ALKBH8: variants seen among roughly 807,000 people sequenced by gnomAD.
ALKBH8 encodes the protein tRNA (carboxymethyluridine(34)-5-O)-methyltransferase ALKBH8.
A neutral mutation model predicts 59.8 loss-of-function variants in ALKBH8; 36 were observed. The ratio of observed to expected loss-of-function variants is 0.60; its 90% CI spans 0.46 to 0.79. ALKBH8 has a LOEUF of 0.79. Among genes scored for constraint, ALKBH8 ranks in the 30% least tolerant of loss-of-function variants. ALKBH8 has a pLI of 0.00. For missense variants in ALKBH8, 768 were observed against 801.0 expected (o/e 0.96, Z 0.50); for synonymous variants, 276 against 273.6 (o/e 1.01, Z -0.09).
chr11:107,546,066 A>G (rs1167251332), intron 7 of ALKBH8, among the ~76,000 whole-genome samples: 1 of 152,228 alleles, frequency 6.6e-6, no homozygotes, highest in Non-Finnish European at 1.5e-5. Flanking sequence ...CTTTGTTCTA[A>G]AAAATTAGTA....
chr11:107,562,993 C>T lies in ALKBH8; in HGVS notation c.-6-2094G>A, dbSNP rs568902800. ...GACTAAGAGATGAGTGCTACCACTT[C>T]AAAACTGGAAAGTCAGGAGGAGGTT... On this transcript the variant is annotated intron_variant, in intron 1 of 11. Transcript: ENST00000428149. 1.1e-4 allele frequency among the ~76,000 whole-genome samples: 17 copies of T among 152,138 alleles called. No homozygotes were observed. The South Asian group carries it at 3.5e-3, about 32-fold the overall frequency.
intron 8 of ALKBH8, among the ~76,000 whole-genome samples, chr11:107,531,674 G>T (rs954092505): frequency 6.6e-5 from 10 of 152,198 alleles, no homozygotes; most frequent in African/African-American, 2.4e-4. Flanking sequence ...TCCTGAATTT[G>T]AGCACTGCAC....
At chr11:107,542,743 C>G (rs1386713329) in intron 7 of ALKBH8, among the ~76,000 whole-genome samples, 1 of 152,126 alleles carries the variant, frequency 6.6e-6, no homozygotes, top group East Asian at 1.9e-4. Flanking sequence ...AACCCCGTTT[C>G]TACAAAAAAT....
At chr11:107,523,165 T>C (rs1863197662) in intron 9 of ALKBH8, among the ~76,000 whole-genome samples, 1 of 152,166 alleles carries the variant, frequency 6.6e-6, no homozygotes, top group Admixed American at 6.5e-5. Context: ...TGCACTCACA[T>C]GTTTACTGCA....
chr11:107,505,037 C>T lies in ALKBH8; in HGVS notation c.1616G>A (p.Arg539Lys). The T allele has an allele frequency of 6.4e-7, 1 of 1,551,678 alleles. No individual in the cohort carries two copies. The highest frequency in any genetic ancestry group is 8.7e-7 in the Non-Finnish European group (1 of 1,146,958). The change falls in exon 12 of 12, where the codon AGG becomes AAG. Residue 539 changes from arginine (R) to lysine (K), a missense_variant. Arg to Lys is a conservative substitution (Grantham distance 26). Transcript: ENST00000428149. ...GTCACGCATTTGCTCCACAAGTGAC[C>T]TCTGCACTGAGGTATCACTGTTCAT... is the stretch of plus-strand genomic sequence containing the variant. ...EEMNSDTSVQ[R>K]SLVEQMRDMG...
chr11:107,521,398 G>A (rs1863105229), intron 10 of ALKBH8, among the ~76,000 whole-genome samples: 2 of 151,300 alleles, frequency 1.3e-5, no homozygotes, highest in Admixed American at 1.3e-4. Context: ...ATATACCAAG[G>A]GACAATTGTA....
At chr11:107,534,135 AAAATAAATAAAT>A (rs939424999) in intron 7 of ALKBH8, among the ~76,000 whole-genome samples, 1 of 152,154 alleles carries the variant, frequency 6.6e-6, no homozygotes, top group Admixed American at 6.6e-5. Context: ...GTCTCACCAA[AAAATAAATAAAT>A]AAATAAATAA....
At chr11:107,536,578 C>A (rs1863824921) in intron 7 of ALKBH8, among the ~76,000 whole-genome samples, 1 of 152,184 alleles carries the variant, frequency 6.6e-6, no homozygotes, top group Non-Finnish European at 1.5e-5. Flanking sequence ...TTTTTCTCCA[C>A]TGAACACTGC....
At chr11:107,538,070 C>A (rs370280007) in intron 7 of ALKBH8, among the ~76,000 whole-genome samples, 1 of 151,916 alleles carries the variant, frequency 6.6e-6, no homozygotes, top group Non-Finnish European at 1.5e-5. Context: ...GACTACAAGA[C>A]ACAAAAACAC....
intron 7 of ALKBH8, among the ~76,000 whole-genome samples, chr11:107,547,232 A>C (rs1216751219): frequency 6.6e-6 from 1 of 152,234 alleles, no homozygotes; most frequent in Non-Finnish European, 1.5e-5. Context: ...AAATAGGGCC[A>C]AAGGTATAGT....
intron 5 of ALKBH8, among the ~76,000 whole-genome samples, chr11:107,552,784 A>G (rs1864549758): frequency 6.6e-6 from 1 of 152,204 alleles, no homozygotes; most frequent in Non-Finnish European, 1.5e-5. Context: ...AGATATTCAC[A>G]GCAGCATTAC....
chr11:107,505,825 C>T (rs985241656), intron 11 of ALKBH8, among the ~76,000 whole-genome samples: 1 of 152,176 alleles, frequency 6.6e-6, no homozygotes, highest in African/African-American at 2.4e-5. Context: ...TGTGGGACAA[C>T]AGAATATGAG....
intron 7 of ALKBH8, among the ~76,000 whole-genome samples, chr11:107,536,298 T>C (rs1174946076): frequency 6.6e-6 from 1 of 152,194 alleles, no homozygotes; most frequent in Non-Finnish European, 1.5e-5. Flanking sequence ...TTAAACTCAA[T>C]TAAATTTAAC....
chr11:107,543,251 G>T (rs1864118593), intron 7 of ALKBH8, among the ~76,000 whole-genome samples: 1 of 151,536 alleles, frequency 6.6e-6, no homozygotes, highest in South Asian at 2.1e-4. Context: ...GCACAGAATT[G>T]CTTGAACCCG....
intron 10 of ALKBH8, among the ~76,000 whole-genome samples, chr11:107,511,499 ATT>A (rs970741734): frequency 6.6e-6 from 1 of 151,990 alleles, no homozygotes; most frequent in African/African-American, 2.4e-5. Flanking sequence ...AGGATAGGCA[ATT>A]TTTTTTCTGC....
intron 1 of ALKBH8, 136 bp from the exon 2 acceptor site, chr11:107,561,035 C>T (rs1319008170): frequency 1.0e-5 from 7 of 696,796 alleles, no homozygotes; most frequent in Non-Finnish European, 1.6e-5. Context: ...TTACCTTGTA[C>T]CAACTAAGAG....
chr11:107,553,182 CTG>C lies in ALKBH8; in HGVS notation c.519_520del (p.His173GlnfsTer9), dbSNP rs1864567230. 2 of 1,607,906 alleles carry C rather than the reference CTG, an allele frequency of 1.2e-6. No individual in the cohort carries two copies. The highest frequency in any genetic ancestry group is 1.7e-6 in the Non-Finnish European group (2 of 1,177,286). On this transcript the variant is annotated frameshift_variant, in exon 5 of 12. Transcript: ENST00000428149. LOFTEE classifies it high-confidence loss of function. ...CTCATAACCAAAATGCTTTACTCTT[CTG>C]TGTTTTAAGGATTTTTGAGCTGTGT... is the stretch of plus-strand genomic sequence containing the variant.
intron 11 of ALKBH8, among the ~76,000 whole-genome samples, 175 bp from the exon 12 acceptor site, chr11:107,505,390 A>G (rs1418522762): frequency 1.3e-5 from 2 of 152,214 alleles, no homozygotes; most frequent in African/African-American, 4.8e-5. Flanking sequence ...GTGATTAAGA[A>G]AAAAAGTGTT....
At chr11:107,513,789 G>T (rs1862738912) in intron 10 of ALKBH8, among the ~76,000 whole-genome samples, 1 of 152,122 alleles carries the variant, frequency 6.6e-6, no homozygotes, top group African/African-American at 2.4e-5. Flanking sequence ...TGATGCAGGT[G>T]CCGAAAACCA....
Sources: gnomAD v4.1 joint callset for allele counts (sites outside exome capture counted in the v4.1 genomes callset) on GRCh38, gnomAD v4.1.1 for gene constraint, MANE v1.5 for transcripts, NCBI Gene and HGNC (gene_info 2026-07-23, HGNC 2026-07-21) for gene names.